The following PARD3B variants were observed in gnomAD, a reference collection of about 807,000 sequenced individuals.
PARD3B encodes partitioning defective 3 homolog B.
Under a neutral mutation model 130.2 loss-of-function variants are expected in PARD3B, and 103 were observed. The ratio of observed to expected loss-of-function variants is 0.79; its 90% CI spans 0.67 to 0.93. The LOEUF is 0.93. Ranked by LOEUF, PARD3B falls within the 40% of genes least tolerant of loss-of-function variation. The probability of loss-of-function intolerance (pLI) is 0.00; values close to 1 mark genes in which losing one functional copy is unlikely to be tolerated. For missense variants in PARD3B, 1,609 were observed against 1,499.2 expected, an observed-to-expected ratio of 1.07 and a Z score of -1.21; for synonymous variants, 583 against 553.2, an observed-to-expected ratio of 1.05 and a Z score of -0.76.
intron 3 of PARD3B, among the ~76,000 whole-genome samples, chr2:205,014,923 C>G (rs1308302117): frequency 2.6e-5 from 4 of 152,210 alleles, no homozygotes; most frequent in Non-Finnish European, 5.9e-5. Flanking sequence ...AGATCAACTT[C>G]TCCATGTCTC....
intron 19 of PARD3B, among the ~76,000 whole-genome samples, chr2:205,426,209 A>G (rs1457468977): frequency 6.6e-6 from 1 of 152,144 alleles, no homozygotes; most frequent in African/African-American, 2.4e-5. Context: ...ATTGATCACA[A>G]AGATTGCATG....
Position 204,943,474 on chromosome 2 carries a change from G to A in PARD3B, c.223-21678G>A, listed in dbSNP as rs1027132963. ...GAGTTGATACAGTGCCCTTTCCCAA[G>A]CAGAACATCTGGTTTACTGCCCCTT... On this transcript the variant is annotated intron_variant, in intron 2 of 22. Transcript: ENST00000406610. The surrounding 1 kb of genome is among the most constrained non-coding windows in gnomAD (Gnocchi z 4.2). Among the ~76,000 whole-genome samples the A allele has an allele frequency of 2.0e-5, 3 of 151,966 alleles. No homozygotes were observed. The highest frequency in any genetic ancestry group is 7.3e-5 in the African/African-American group (3 of 41,348).
rs1216739527 is a variant in PARD3B at position 205,253,920 on chromosome 2, G to A, written c.2185+8098G>A. On this transcript the variant is annotated intron_variant, in intron 16 of 22. Coordinates refer to ENST00000406610, the MANE Select transcript of PARD3B (RefSeq NM_001302769.2). The surrounding 1 kb of genome is among the most constrained non-coding windows in gnomAD (Gnocchi z 4.4). Reference sequence around the variant, plus strand: ...AAACAAAAACAAAAACACCACAGAGGTGGTTTGAAAGAAGAGGTTGGGTTG... The same window carrying A: ...AAACAAAAACAAAAACACCACAGAGATGGTTTGAAAGAAGAGGTTGGGTTG... 1.3e-5 allele frequency among the ~76,000 whole-genome samples: 2 copies of A among 151,948 alleles called. No individual in the cohort carries two copies. The highest frequency in any genetic ancestry group is 2.9e-5 in the Non-Finnish European group (2 of 67,974).
intron 16 of PARD3B, among the ~76,000 whole-genome samples, chr2:205,286,955 G>T (rs949052448): frequency 6.6e-6 from 1 of 152,158 alleles, no homozygotes; most frequent in African/African-American, 2.4e-5. Context: ...CTGAAGAATG[G>T]TCCTCTCTTC....
At chr2:205,117,488 G>A (rs1404931434) in intron 6 of PARD3B, among the ~76,000 whole-genome samples, 1 of 152,194 alleles carries the variant, frequency 6.6e-6, no homozygotes, top group Non-Finnish European at 1.5e-5. Flanking sequence ...TAAGGGGACA[G>A]AGGTTCAACT....
At chr2:204,836,189 C>T (rs1247978546) in intron 2 of PARD3B, among the ~76,000 whole-genome samples, 1 of 152,046 alleles carries the variant, frequency 6.6e-6, no homozygotes, top group Non-Finnish European at 1.5e-5. Context: ...TATATAGATA[C>T]TATTGCATTT....
intron 4 of PARD3B, among the ~76,000 whole-genome samples, chr2:205,061,017 C>T (rs1389312703): frequency 6.6e-6 from 1 of 151,988 alleles, no homozygotes; most frequent in African/African-American, 2.4e-5. Flanking sequence ...AGTTGTGCAT[C>T]GGATATCGTT....
intron 2 of PARD3B, among the ~76,000 whole-genome samples, chr2:204,714,505 G>A (rs1159193171): frequency 6.6e-6 from 1 of 152,028 alleles, no homozygotes; most frequent in Non-Finnish European, 1.5e-5. Flanking sequence ...TTCAGTTTCT[G>A]TCACTTGTAA....
intron 1 of PARD3B, among the ~76,000 whole-genome samples, chr2:204,681,687 C>T (rs1052358023): frequency 6.6e-6 from 1 of 152,260 alleles, no homozygotes; most frequent in African/African-American, 2.4e-5. Flanking sequence ...CTGTGGCTGG[C>T]TACTCAGAGG....
intron 16 of PARD3B, among the ~76,000 whole-genome samples, chr2:205,264,624 CTT>C (rs1010205873): frequency 1.3e-5 from 2 of 151,000 alleles, no homozygotes; most frequent in African/African-American, 4.9e-5. Flanking sequence ...TGAACATAAT[CTT>C]ATGATTTCTT....
intron 2 of PARD3B, among the ~76,000 whole-genome samples, chr2:204,781,666 A>G (rs2041838592): frequency 6.6e-6 from 1 of 152,164 alleles, no homozygotes; most frequent in Non-Finnish European, 1.5e-5. Context: ...TGATAGAAAT[A>G]TTAGTAGCTA....
intron 20 of PARD3B, among the ~76,000 whole-genome samples, chr2:205,441,509 G>A (rs1044143120): frequency 1.3e-5 from 2 of 152,150 alleles, no homozygotes; most frequent in Admixed American, 6.5e-5. Flanking sequence ...TCTGGAGGGA[G>A]GTGGTGGGGA....
At chr2:205,050,394 G>T in intron 4 of PARD3B, among the ~76,000 whole-genome samples, 1 of 151,042 alleles carries the variant, frequency 6.6e-6, no homozygotes, top group East Asian at 1.9e-4. Context: ...TAGAAGGAAG[G>T]TGTGTGTGTG....
At chr2:204,676,022 G>T (rs905460497) in intron 1 of PARD3B, among the ~76,000 whole-genome samples, 1 of 151,252 alleles carries the variant, frequency 6.6e-6, no homozygotes, top group South Asian at 2.1e-4. Flanking sequence ...AAAATAAGAG[G>T]CCTATTCTCG....
At chr2:204,569,229 C>T (rs985384242) in intron 1 of PARD3B, among the ~76,000 whole-genome samples, 3 of 152,166 alleles carry the variant, frequency 2.0e-5, no homozygotes, top group Non-Finnish European at 4.4e-5. Flanking sequence ...CACTAATTAT[C>T]TCCATGCGTA....
At chr2:205,124,194 T>G in intron 8 of PARD3B, 133 bp from the exon 9 acceptor site, 1 of 785,186 alleles carries the variant, frequency 1.3e-6, no homozygotes, top group Non-Finnish European at 1.8e-6. Flanking sequence ...CTGAAGCATA[T>G]TTAAAATGTC....
At chr2:205,060,096 T>A (rs928482077) in intron 4 of PARD3B, among the ~76,000 whole-genome samples, 1 of 152,070 alleles carries the variant, frequency 6.6e-6, no homozygotes, top group Non-Finnish European at 1.5e-5. Flanking sequence ...TATAGACTCT[T>A]CATTCTACCC....
At chr2:205,533,857 A>G (rs933650146) in intron 21 of PARD3B, among the ~76,000 whole-genome samples, 12 of 152,132 alleles carry the variant, frequency 7.9e-5, no homozygotes, top group Non-Finnish European at 1.5e-4. Flanking sequence ...CCTCCCAAGT[A>G]TCTGGAACTA....
intron 1 of PARD3B, among the ~76,000 whole-genome samples, chr2:204,608,437 C>G (rs538205070): frequency 6.6e-6 from 1 of 152,108 alleles, no homozygotes; most frequent in Admixed American, 6.6e-5. Context: ...GGGGAGGACA[C>G]GGAATAAAGC....
Sources: gnomAD v4.1 joint callset for allele counts (sites outside exome capture counted in the v4.1 genomes callset) on GRCh38, gnomAD v4.1.1 for gene constraint, Gnocchi (gnomAD v3.1) non-coding constraint, MANE v1.5 for transcripts, NCBI Gene and HGNC (gene_info 2026-07-23, HGNC 2026-07-21) for gene names.